WDR73: variants seen among roughly 807,000 people sequenced by gnomAD.
WDR73 encodes the protein integrator complex assembly factor WDR73.
Under a neutral mutation model 38.2 loss-of-function variants are expected in WDR73, and 30 were observed. That is an observed-to-expected ratio of 0.79 (90% CI 0.59 to 1.06). The LOEUF is 1.06. Among genes scored for constraint, WDR73 ranks in the 50% least tolerant of loss-of-function variants. The pLI is 0.00. For synonymous variants in WDR73, 197 were observed against 176.0 expected (o/e 1.12, Z -0.94); for missense variants, 487 against 467.0 (o/e 1.04, Z -0.40).
At position 84,646,336 on chromosome 15, in the gene WDR73, G is replaced by A. The variant is rs1896462914; in HGVS notation, c.365C>T (p.Ala122Val). The A allele has an allele frequency of 6.2e-7, 1 of 1,611,570 alleles. No homozygotes were observed. The change falls in exon 6 of 8, where the codon GCT (alanine) becomes GTT (valine). Residue 122 changes from alanine to valine, a missense_variant. By Grantham distance (64) the Ala-to-Val change is moderately conservative. Transcript: ENST00000434634. ...CTCATGCACAGCAATGGTGCTGACA[G>A]CTTTAATGACATCTAGGGGAAAACG... is the stretch of plus-strand genomic sequence containing the variant. Reference protein sequence around the residue: ...QVAEDSDVIKAVSTIAVHEKE... With the variant: ...QVAEDSDVIKVVSTIAVHEKE...
At chr15:84,653,373 T>C in intron 2 of WDR73, 1 of 377,268 alleles carries the variant, frequency 2.7e-6, no homozygotes. Context: ...TTTCACCATG[T>C]TGGCCAGACT....
chr15:84,645,607 A>T lies in WDR73; in HGVS notation c.747T>A (p.Arg249=). The T allele has an allele frequency of 6.2e-7, 1 of 1,610,142 alleles. No homozygotes were observed. The highest frequency in any genetic ancestry group is 8.5e-7 in the Non-Finnish European group (1 of 1,178,384). The change falls in exon 7 of 8, where the codon CGT becomes CGA. Residue 249 remains arginine, a synonymous_variant. Coordinates refer to ENST00000434634, the MANE Select transcript of WDR73 (RefSeq NM_032856.5). ...GATCCCGGGGGTCAAGAAGACAAAG[A>T]CGCCCATCTGAGCCAAGGCTGGCAA... ...PSIASLGSDG[R]LCLLDPRDLC...
rs1207174541 is a variant in WDR73 at position 84,641,699 on chromosome 15, T to C, written c.*1771A>G. On this transcript the variant is annotated 3_prime_UTR_variant, in exon 8 of 8. Coordinates refer to ENST00000434634, the MANE Select transcript of WDR73 (RefSeq NM_032856.5). ...CCGTCTCTAATTTTTATATTTTTAG[T>C]AGAGACGGGGTTTCACCATGTTGGC... 6.6e-6 allele frequency: 1 copy of C among 151,992 alleles called. No individual in the cohort carries two copies. The highest frequency in any genetic ancestry group is 1.5e-5 in the Non-Finnish European group (1 of 68,018). 9.4% of individuals were successfully genotyped at this position (151,992 alleles called of 1,614,324 possible).
intron 2 of WDR73, 163 bp downstream of exon 2, chr15:84,653,469 C>A (rs960256969): frequency 5.2e-6 from 3 of 580,078 alleles, no homozygotes; most frequent in Non-Finnish European, 9.4e-6. Flanking sequence ...TGCTCCCGGT[C>A]AGAGATCTTA....
At chr15:84,650,333 A>G (rs1896582820) in intron 3 of WDR73, among the ~76,000 whole-genome samples, 1 of 150,916 alleles carries the variant, frequency 6.6e-6, no homozygotes, top group Non-Finnish European at 1.5e-5. Context: ...GATTAAAGGC[A>G]TATACCACCA....
intron 1 of WDR73, chr15:84,653,992 C>T: frequency 4.9e-6 from 3 of 608,184 alleles, no homozygotes; most frequent in Non-Finnish European, 8.7e-6. Flanking sequence ...CGCAAACTAA[C>T]TGGGCACTGC....
intron 5 of WDR73, chr15:84,646,989 T>C (rs1896482968): frequency 6.5e-6 from 1 of 152,870 alleles, no homozygotes. Flanking sequence ...GCCTCTCAGG[T>C]TCAAGAAATT....
In WDR73 at chr15:84,648,177, G is replaced by C. The variant is rs1365981656; in HGVS notation, c.288-223C>G. The stretch of plus-strand genomic sequence containing the variant: ...CCATGTGTCATGATGGTCACCTACA[G>C]AGGACACAAGTATGGGGCCAAACAC... On this transcript the variant is annotated intron_variant, in intron 4 of 7. Coordinates refer to ENST00000434634, the MANE Select transcript of WDR73 (RefSeq NM_032856.5). 10 of 604,754 alleles carry C rather than the reference G, an allele frequency of 1.7e-5. No individual in the cohort carries two copies. In the Admixed American group the frequency reaches 2.8e-4, roughly 17 times the overall value. 37.5% of individuals were successfully genotyped at this position (604,754 alleles called of 1,614,324 possible).
chr15:84,649,735 G>C (rs1401466837), intron 3 of WDR73, among the ~76,000 whole-genome samples: 1 of 152,046 alleles, frequency 6.6e-6, no homozygotes, highest in Non-Finnish European at 1.5e-5. Flanking sequence ...CTCCCAAAGT[G>C]CTGGGATTAC....
Position 84,645,589 on chromosome 15 carries a change from G to A in WDR73, c.765C>T (p.Pro255=), listed in dbSNP as rs1284952930. 6.2e-7 allele frequency: 1 copy of A among 1,611,042 alleles called. No homozygotes were observed. The highest frequency in any genetic ancestry group is 8.5e-7 in the Non-Finnish European group (1 of 1,178,762). ...AGCTCACAGGATGGCAGAGATCCCG[G>A]GGGTCAAGAAGACAAAGACGCCCAT... The part of the protein sequence containing the change: ...GSDGRLCLLD[P]RDLCHPVSSV... Residue 255 remains proline, a synonymous_variant, in exon 7 of 8, where the codon CCC becomes CCT. Transcript: ENST00000434634.
rs11633762 is a variant in WDR73, at chr15:84,643,921, T to C, written c.884-198A>G. 142,669 of 593,064 alleles carry C rather than the reference T, an allele frequency of 0.24. 18,975 individuals are homozygous for C. The highest frequency in any genetic ancestry group is 0.39 in the Middle Eastern group (790 of 2,046). The allele number at this position is 593,064 out of a possible 1,614,324, so 36.7% of individuals were successfully genotyped here. A position where few individuals can be genotyped will look rare whatever the true frequency, so the allele number is the denominator to read the frequency against. The stretch of plus-strand genomic sequence containing the variant: ...CACCCAGCCCCTAAAATACTTTTTA[T>C]AATTTGTTCTATGGTACCAAAACAG... On this transcript the variant is annotated intron_variant, in intron 7 of 7. Transcript: ENST00000434634.
chr15:84,646,930 T>C (rs1255230918), intron 5 of WDR73: 1 of 153,516 alleles, frequency 6.5e-6, no homozygotes, highest in Non-Finnish European at 1.4e-5. Context: ...TCTCACTCTG[T>C]TGCCCAGGCT....
rs1422301662 is a variant in WDR73, at chr15:84,645,723, G to GTGC, written c.628_630dup (p.Ala210dup). On this transcript the variant is annotated inframe_insertion, in exon 7 of 8. Transcript: ENST00000434634. Reference sequence around the variant, plus strand: ...GGGCCAGGGCTGCGATTCTCCAACGGTGCCCACTTCTGCCGGGTGTCAACA... The same window carrying GTGC: ...GGGCCAGGGCTGCGATTCTCCAACGGTGCTGCCCACTTCTGCCGGGTGTCAACA... The GTGC allele has an allele frequency of 6.2e-7, 1 of 1,610,358 alleles. No individual in the cohort carries two copies. The highest frequency in any genetic ancestry group is 1.3e-5 in the African/African-American group (1 of 74,820).
rs72750868 is a variant in WDR73, at chr15:84,643,606, T to C, written c.1001A>G (p.Asp334Gly). The change falls in exon 8 of 8, where the codon GAT (aspartate) becomes GGT (glycine). Residue 334 changes from aspartate (D) to glycine (G), a missense_variant. Coordinates refer to ENST00000434634, the MANE Select transcript of WDR73 (RefSeq NM_032856.5). ...AGGAGCAGGGTCCATCCCATTTCCA[T>C]CTAGGAAGATGTGACCTCTGTGAGT... The part of the protein sequence containing the change: ...LFTHRGHIFL[D>G]GNGMDPAPLV... The C allele has an allele frequency of 0.077, 124,626 of 1,612,576 alleles. 5,332 individuals are homozygous for C. The highest frequency in any genetic ancestry group is 0.084 in the Non-Finnish European group (99,184 of 1,179,270).
In WDR73 at chr15:84,645,667, T is replaced by C; in HGVS notation, c.687A>G (p.Glu229=). ...PGSGGERWCA[E]VGSWGQGPGP... ...CAGGGCCCTGGCCCCAGCTCCCAAC[T>C]TCAGCACACCATCTCTCTCCACCAG... is the stretch of plus-strand genomic sequence containing the variant. Residue 229 remains glutamate (E), a synonymous_variant, in exon 7 of 8, where the codon GAA becomes GAG. Transcript: ENST00000434634. 1.9e-6 allele frequency: 3 copies of C among 1,608,770 alleles called. No homozygotes were observed. Among genetic ancestry groups the C allele is most frequent in the Non-Finnish European group, 2.5e-6 (3 of 1,177,756 alleles).
In WDR73 at chr15:84,643,339, A is replaced by G. The variant is rs573538182; in HGVS notation, c.*131T>C. The G allele has an allele frequency of 1.8e-4, 196 of 1,095,432 alleles. No individual in the cohort carries two copies. Among genetic ancestry groups the G allele is most frequent in the Middle Eastern group, 1.2e-3 (4 of 3,238 alleles). 67.9% of individuals were successfully genotyped at this position (1,095,432 alleles called of 1,614,324 possible). On this transcript the variant is annotated 3_prime_UTR_variant, in exon 8 of 8. Coordinates refer to ENST00000434634, the MANE Select transcript of WDR73 (RefSeq NM_032856.5). ...CAGATAAGGAAACTGAGGCTAAGTG[A>G]CGCTGGCAGACTTGCCCAAGGCCAC...
At chr15:84,651,051 G>A (rs1288846569) in intron 3 of WDR73, among the ~76,000 whole-genome samples, 1 of 151,564 alleles carries the variant, frequency 6.6e-6, no homozygotes, top group Non-Finnish European at 1.5e-5. Flanking sequence ...GGAGGCAGAG[G>A]TTGCAGTGAG....
chr15:84,654,209 C>T, intron 1 of WDR73, 25 bp downstream of exon 1: 2 of 1,603,856 alleles, frequency 1.2e-6, no homozygotes, highest in African/African-American at 2.7e-5. Context: ...GCCCAGCTCC[C>T]ATGTCCCAGC....
intron 3 of WDR73, among the ~76,000 whole-genome samples, chr15:84,651,200 G>A (rs1051213731): frequency 3.3e-5 from 5 of 152,054 alleles, no homozygotes; most frequent in Non-Finnish European, 5.9e-5. Flanking sequence ...CGAAGCAGGC[G>A]GATCACTTGA....
Sources: allele counts gnomAD v4.1 joint callset (sites outside exome capture counted in the v4.1 genomes callset), GRCh38; gene constraint gnomAD v4.1.1; transcripts MANE v1.5; gene names NCBI Gene and HGNC (gene_info 2026-07-23, HGNC 2026-07-21).